PTPRS: variants seen among roughly 807,000 people sequenced by gnomAD.
The protein encoded by PTPRS is receptor-type tyrosine-protein phosphatase S.
A neutral mutation model predicts 215.3 loss-of-function variants in PTPRS; 63 were observed. The observed-to-expected ratio is 0.29, with a 90% confidence interval of 0.24 to 0.36. The LOEUF (loss-of-function observed/expected upper bound fraction) is 0.36. Among genes scored for constraint, PTPRS ranks in the 10% least tolerant of loss-of-function variants. The pLI is 1.00. For synonymous variants in PTPRS, 1,404 were observed against 1,191.4 expected (o/e 1.18, Z -3.68); for missense variants, 2,258 against 2,825.8 (o/e 0.80, Z 4.56).
chr19:5,244,516 G>A lies in PTPRS; in HGVS notation c.989-34C>T. On this transcript the variant is annotated intron_variant, in intron 10 of 37. Coordinates refer to ENST00000262963, the MANE Select transcript of PTPRS (RefSeq NM_002850.4). This position sits in a 1 kb window ranked among gnomAD's most constrained non-coding sequence, Gnocchi z 7.2. Reference sequence around the variant, plus strand: ...AGGAGGCAGCTGTGTCACGCATTGGGCACATTGGTTGAGGACCCTGAAGGC... The same window carrying A: ...AGGAGGCAGCTGTGTCACGCATTGGACACATTGGTTGAGGACCCTGAAGGC... The A allele has an allele frequency of 6.4e-7, 1 of 1,569,022 alleles. No homozygotes were observed. Among genetic ancestry groups the A allele is most frequent in the South Asian group, 1.1e-5 (1 of 87,394 alleles).
chr19:5,218,573 A>T, intron 24 of PTPRS, 41 bp from the exon 25 acceptor site: 2 of 1,592,840 alleles, frequency 1.3e-6, no homozygotes, highest in Non-Finnish European at 1.7e-6. Context: ...TAGTAGTGGC[A>T]CATGTTCATG....
intron 37 of PTPRS, among the ~76,000 whole-genome samples, chr19:5,207,274 A>G (rs12610662): frequency 0.3 from 46,167 of 152,130 alleles, 8,467 homozygotes; most frequent in East Asian, 0.55. Context: ...TAGTAGAGAC[A>G]GGGTTTCGCC....
At chr19:5,320,073 G>T (rs1244059157) in intron 1 of PTPRS, among the ~76,000 whole-genome samples, 3 of 152,198 alleles carry the variant, frequency 2.0e-5, no homozygotes, top group African/African-American at 7.2e-5. Context: ...AAAATCGGAG[G>T]CAGTGGCTGC....
intron 1 of PTPRS, among the ~76,000 whole-genome samples, chr19:5,326,161 G>A (rs1410986828): frequency 6.6e-6 from 1 of 152,206 alleles, no homozygotes; most frequent in Admixed American, 6.5e-5. Flanking sequence ...AACCCGGGAG[G>A]TGGGGGTTGC....
At chr19:5,211,149 C>T (rs976919275) in intron 33 of PTPRS, among the ~76,000 whole-genome samples, 3 of 152,230 alleles carry the variant, frequency 2.0e-5, no homozygotes, top group Non-Finnish European at 4.4e-5. Context: ...GCACATGTGG[C>T]ACCCTCTGCC....
intron 1 of PTPRS, among the ~76,000 whole-genome samples, chr19:5,333,304 T>C (rs935011536): frequency 4.2e-5 from 6 of 142,312 alleles, no homozygotes; most frequent in African/African-American, 1.5e-4. Context: ...AACCCATCTC[T>C]ACAAAAAAAA....
intron 2 of PTPRS, among the ~76,000 whole-genome samples, chr19:5,284,418 A>AATAT (rs1193138280): frequency 7.6e-4 from 75 of 99,266 alleles, no homozygotes; most frequent in African/African-American, 2.2e-3. Flanking sequence ...TAAATAAATA[A>AATAT]AAATTAGCCA....
chr19:5,243,700 G>A (rs2044240544), intron 11 of PTPRS, among the ~76,000 whole-genome samples: 1 of 152,178 alleles, frequency 6.6e-6, no homozygotes, highest in Non-Finnish European at 1.5e-5. Flanking sequence ...TCGAACTCCT[G>A]ACCTCCGGTG....
Position 5,339,528 on chromosome 19 carries a change from AG to A in PTPRS, c.-95+1135del, listed in dbSNP as rs552414910. Reference sequence around the variant, plus strand: ...CGAAGGGGAGTTCCCCAATTTGGGAAGGGGGGGAATTGGTGGGAAATGTCCA... The same window carrying A: ...CGAAGGGGAGTTCCCCAATTTGGGAAGGGGGGAATTGGTGGGAAATGTCCA... On this transcript the variant is annotated intron_variant, in intron 1 of 37. Transcript: ENST00000262963. This position sits in a 1 kb window ranked among gnomAD's most constrained non-coding sequence, Gnocchi z 4.2. Among the ~76,000 whole-genome samples the A allele has an allele frequency of 0.013, 1,900 of 150,316 alleles. 14 individuals carry two copies. Among genetic ancestry groups the A allele is most frequent in the Non-Finnish European group, 0.018 (1,235 of 67,466 alleles).
chr19:5,270,383 G>T (rs551703744), intron 4 of PTPRS, among the ~76,000 whole-genome samples: 1 of 135,922 alleles, frequency 7.4e-6, no homozygotes, highest in Admixed American at 8.9e-5. Context: ...CTTGAACTCC[G>T]AGGCTCAGGC....
intron 1 of PTPRS, among the ~76,000 whole-genome samples, chr19:5,336,080 C>A (rs1050591811): frequency 1.3e-5 from 2 of 151,834 alleles, no homozygotes; most frequent in African/African-American, 2.4e-5. Context: ...GTCCGTGAAT[C>A]ACTCCTACCC....
chr19:5,258,093 G>A lies in PTPRS; in HGVS notation c.630C>T (p.Asp210=), dbSNP rs765833466. Reference sequence around the variant, plus strand: ...TGGCCACACACTCATATTTGCCCTGGTCGGTTTCCTCACTGCTTTCAATCT... The same window carrying A: ...TGGCCACACACTCATATTTGCCCTGATCGGTTTCCTCACTGCTTTCAATCT... ...ALQIESSEET[D]QGKYECVATN... Residue 210 remains aspartate, a synonymous_variant, in exon 8 of 38, where the codon GAC becomes GAT. Coordinates refer to ENST00000262963, the MANE Select transcript of PTPRS (RefSeq NM_002850.4). 4 of 1,614,072 alleles carry A rather than the reference G, an allele frequency of 2.5e-6. No homozygotes were observed. Among genetic ancestry groups the A allele is most frequent in the Admixed American group, 1.7e-5 (1 of 60,008 alleles).
intron 4 of PTPRS, 88 bp downstream of exon 4, chr19:5,273,354 T>C (rs986196846): frequency 1.3e-6 from 2 of 1,588,932 alleles, no homozygotes; most frequent in Non-Finnish European, 1.7e-6. Context: ...GCAGGAGGGT[T>C]TGGGGTAACT....
At chr19:5,333,142 T>C (rs752007923) in intron 1 of PTPRS, among the ~76,000 whole-genome samples, 28 of 150,182 alleles carry the variant, frequency 1.9e-4, no homozygotes, top group Non-Finnish European at 3.8e-4. Context: ...AGCAAGACTG[T>C]CTCAAATAAA....
chr19:5,283,187 C>T (rs745796577), intron 2 of PTPRS, among the ~76,000 whole-genome samples: 3 of 152,204 alleles, frequency 2.0e-5, no homozygotes, highest in Non-Finnish European at 4.4e-5. Flanking sequence ...GGGCCAGCCC[C>T]ACGGCATCCT....
rs893691197 is a variant in PTPRS, at chr19:5,257,020, C to T, written c.707-901G>A. Reference sequence around the variant, plus strand: ...TGGGGCAGCCCTAGGGATTGAAGGGCGCCCTGGCATCCTGGCAGAAGCTGT... The same window carrying T: ...TGGGGCAGCCCTAGGGATTGAAGGGTGCCCTGGCATCCTGGCAGAAGCTGT... On this transcript the variant is annotated intron_variant, in intron 8 of 37. Coordinates refer to ENST00000262963, the MANE Select transcript of PTPRS (RefSeq NM_002850.4). This position sits in a 1 kb window ranked among gnomAD's most constrained non-coding sequence, Gnocchi z 4.4. 5.3e-5 allele frequency among the ~76,000 whole-genome samples: 8 copies of T among 151,614 alleles called. No homozygotes were observed. Among genetic ancestry groups the T allele is most frequent in the South Asian group, 2.1e-4 (1 of 4,782 alleles).
chr19:5,316,521 TA>T (rs1485031653), intron 1 of PTPRS, among the ~76,000 whole-genome samples: 1 of 152,156 alleles, frequency 6.6e-6, no homozygotes, highest in Non-Finnish European at 1.5e-5. Flanking sequence ...GCCTTCCAAG[TA>T]GTTGGGACCA....
At chr19:5,314,051 C>G (rs1409452308) in intron 1 of PTPRS, among the ~76,000 whole-genome samples, 1 of 152,034 alleles carries the variant, frequency 6.6e-6, no homozygotes, top group East Asian at 1.9e-4. Context: ...GTGGAAGGAT[C>G]GCTTGAGCCC....
chr19:5,275,784 C>A (rs975290338), intron 2 of PTPRS, among the ~76,000 whole-genome samples: 1 of 152,066 alleles, frequency 6.6e-6, no homozygotes, highest in Non-Finnish European at 1.5e-5. Context: ...TCAACCTGGG[C>A]GACAGAGTGA....
Sources: allele counts gnomAD v4.1 joint callset (sites outside exome capture counted in the v4.1 genomes callset), GRCh38; gene constraint gnomAD v4.1.1; non-coding constraint Gnocchi (gnomAD v3.1); transcripts MANE v1.5; gene names NCBI Gene and HGNC (gene_info 2026-07-23, HGNC 2026-07-21).